Variants in SYT16 observed in about 807,000 individuals in gnomAD.
The protein encoded by SYT16 is synaptotagmin 16.
Under a neutral mutation model 61.4 loss-of-function variants are expected in SYT16, and 42 were observed. That is an observed-to-expected ratio of 0.68 (90% confidence interval 0.53 to 0.89). The LOEUF is 0.89. Among genes scored for constraint, SYT16 ranks in the 40% least tolerant of loss-of-function variants. The pLI is 0.00. For synonymous variants in SYT16, 314 were observed against 302.3 expected (o/e 1.04, Z -0.40); for missense variants, 804 against 807.3 (o/e 1.00, Z 0.05).
chr14:61,996,598 T>TTTTA, intron 3 of SYT16, 56 bp downstream of exon 3: 1 of 1,518,882 alleles, frequency 6.6e-7, no homozygotes, highest in Admixed American at 2.2e-5. Flanking sequence ...TTTCTACTTA[T>TTTTA]TTTATTTTGA....
At chr14:61,827,564 T>G (rs923018681) in intron 1 of SYT16, among the ~76,000 whole-genome samples, 2 of 152,180 alleles carry the variant, frequency 1.3e-5, no homozygotes, top group Non-Finnish European at 2.9e-5. Flanking sequence ...TGGAAATGAG[T>G]CATTGATAGA....
intron 1 of SYT16, among the ~76,000 whole-genome samples, chr14:61,894,081 C>T (rs886667898): frequency 3.9e-5 from 6 of 152,026 alleles, no homozygotes; most frequent in East Asian, 1.9e-4. Flanking sequence ...GTCAGGAGTT[C>T]GAGACCAGCC....
intron 3 of SYT16, among the ~76,000 whole-genome samples, chr14:62,051,059 G>T (rs1350606539): frequency 6.6e-6 from 1 of 152,218 alleles, no homozygotes; most frequent in Admixed American, 6.5e-5. Flanking sequence ...GCTATGCCTT[G>T]CCCCCAGAGG....
chr14:62,069,046 T>A (rs1290635909), intron 3 of SYT16, among the ~76,000 whole-genome samples: 1 of 152,202 alleles, frequency 6.6e-6, no homozygotes, highest in Non-Finnish European at 1.5e-5. Context: ...TCTGCCCACC[T>A]CGGCCTCCCA....
chr14:62,072,982 G>A (rs368073888), intron 4 of SYT16, among the ~76,000 whole-genome samples: 5 of 152,216 alleles, frequency 3.3e-5, no homozygotes, highest in South Asian at 2.1e-4. Context: ...ACTTTTGTGC[G>A]TCTATTGAAG....
chr14:62,089,503 T>G (rs539709764), intron 7 of SYT16, among the ~76,000 whole-genome samples: 3 of 56,130 alleles, frequency 5.3e-5, no homozygotes, highest in East Asian at 1.7e-3. Flanking sequence ...TTATAAAGTG[T>G]TGTGATTTTT....
chr14:61,838,873 T>C (rs1178799868), intron 1 of SYT16, among the ~76,000 whole-genome samples: 7 of 152,192 alleles, frequency 4.6e-5, no homozygotes, highest in Non-Finnish European at 1.0e-4. Context: ...GTGTTTGATG[T>C]AGGCAACAGG....
At chr14:61,863,156 T>G (rs1030497835) in intron 1 of SYT16, among the ~76,000 whole-genome samples, 7 of 152,204 alleles carry the variant, frequency 4.6e-5, no homozygotes, top group African/African-American at 1.7e-4. Flanking sequence ...GACTGCTGGA[T>G]CATATGGTAA....
chr14:62,044,474 C>T (rs1283311721), intron 3 of SYT16, among the ~76,000 whole-genome samples: 2 of 152,050 alleles, frequency 1.3e-5, no homozygotes, highest in African/African-American at 4.8e-5. Context: ...CCAACAGGCC[C>T]TGGTGTGTGA....
chr14:61,983,443 T>C (rs780728128), intron 2 of SYT16, among the ~76,000 whole-genome samples: 6 of 152,190 alleles, frequency 3.9e-5, no homozygotes, highest in Non-Finnish European at 7.4e-5. Flanking sequence ...ACATTTTGAA[T>C]CTTATTTTCT....
intron 3 of SYT16, among the ~76,000 whole-genome samples, chr14:62,058,777 A>T (rs1010819892): frequency 6.6e-6 from 1 of 152,152 alleles, no homozygotes; most frequent in African/African-American, 2.4e-5. Context: ...TGATATGTTC[A>T]GGTTTTTAAA....
At chr14:61,867,438 T>G (rs1038856136) in intron 1 of SYT16, among the ~76,000 whole-genome samples, 19 of 152,240 alleles carry the variant, frequency 1.2e-4, no homozygotes, top group African/African-American at 4.6e-4. Flanking sequence ...AGAATTTTGC[T>G]AGTTTGTCTT....
At chr14:61,820,504 C>T (rs1256116756) in intron 1 of SYT16, among the ~76,000 whole-genome samples, 2 of 72,416 alleles carry the variant, frequency 2.8e-5, no homozygotes, top group South Asian at 4.8e-4. Context: ...TTTTTTGAGA[C>T]GTAGTCTCGC....
chr14:62,018,298 C>CCTT (rs2053774464), intron 3 of SYT16, among the ~76,000 whole-genome samples: 2 of 51,622 alleles, frequency 3.9e-5, no homozygotes, highest in Admixed American at 3.0e-4. Flanking sequence ...TCTTCTTCTT[C>CCTT]TTTTTTTTTT....
intron 1 of SYT16, among the ~76,000 whole-genome samples, chr14:61,909,949 T>G (rs758554858): frequency 6.6e-6 from 1 of 152,194 alleles, no homozygotes; most frequent in Non-Finnish European, 1.5e-5. Flanking sequence ...TGCCAAACCA[T>G]GCATCACACT....
At chr14:61,860,416 CAG>C (rs777403011) in intron 1 of SYT16, among the ~76,000 whole-genome samples, 7 of 152,136 alleles carry the variant, frequency 4.6e-5, no homozygotes, top group African/African-American at 9.7e-5. Flanking sequence ...ATGATCAACT[CAG>C]AGTGAATAAG....
intron 3 of SYT16, among the ~76,000 whole-genome samples, chr14:62,034,492 C>A (rs957023144): frequency 2.6e-5 from 4 of 152,136 alleles, no homozygotes; most frequent in Non-Finnish European, 4.4e-5. Flanking sequence ...AAAATGTAGT[C>A]TATTCATCAA....
intron 3 of SYT16, among the ~76,000 whole-genome samples, chr14:62,029,865 T>C (rs1181584119): frequency 6.6e-6 from 1 of 152,192 alleles, no homozygotes; most frequent in African/African-American, 2.4e-5. Flanking sequence ...TGTGTACACA[T>C]TGATATGTTT....
At chr14:61,946,873 G>T (rs2050459779) in intron 1 of SYT16, among the ~76,000 whole-genome samples, 3 of 152,278 alleles carry the variant, frequency 2.0e-5, no homozygotes, top group Non-Finnish European at 4.4e-5. Flanking sequence ...ACTGTCTTTA[G>T]CTATTTGCAG....
Sources: allele counts gnomAD v4.1 joint callset (sites outside exome capture counted in the v4.1 genomes callset), GRCh38; gene constraint gnomAD v4.1.1; transcripts MANE v1.5; gene names NCBI Gene and HGNC (gene_info 2026-07-23, HGNC 2026-07-21).